Variants in CRISP1 observed in about 807,000 individuals in gnomAD.
CRISP1 encodes the protein cysteine-rich secretory protein 1.
A neutral mutation model predicts 33.1 loss-of-function variants in CRISP1; 44 were observed. The observed-to-expected ratio is 1.33, with a 90% CI of 1.05 to 1.71. CRISP1 has a LOEUF of 1.71. CRISP1 is among the 40% of genes most tolerant of loss of function. The pLI is 0.00. For synonymous variants in CRISP1, 103 were observed against 98.7 expected (o/e 1.04, Z -0.26); for missense variants, 390 against 301.2 (o/e 1.29, Z -2.18).
upstream of CRISP1, among the ~76,000 whole-genome samples, chr6:49,868,718 C>T (rs1771856826): frequency 1.3e-5 from 2 of 152,148 alleles, no homozygotes; most frequent in Non-Finnish European, 2.9e-5. Flanking sequence ...CTCTTACCTA[C>T]AACAATCCCA....
chr6:49,840,627 T>C (rs986724939), intron 6 of CRISP1, among the ~76,000 whole-genome samples: 4 of 152,152 alleles, frequency 2.6e-5, no homozygotes, highest in Admixed American at 6.6e-5. Context: ...TGAAAATATA[T>C]TGGAGTTTTT....
chr6:49,859,061 C>A (rs1771573200), intron 1 of CRISP1, among the ~76,000 whole-genome samples: 1 of 152,080 alleles, frequency 6.6e-6, no homozygotes, highest in Non-Finnish European at 1.5e-5. Context: ...CACTGATGCA[C>A]ATTTTCATCG....
intron 1 of CRISP1, among the ~76,000 whole-genome samples, chr6:49,874,012 A>T (rs1771980426): frequency 6.6e-6 from 1 of 152,050 alleles, no homozygotes; most frequent in South Asian, 2.1e-4. Flanking sequence ...TCTTATTTTT[A>T]AATATAGAAA....
upstream of CRISP1, among the ~76,000 whole-genome samples, chr6:49,868,221 G>A (rs1771843057): frequency 6.6e-6 from 1 of 152,154 alleles, no homozygotes; most frequent in African/African-American, 2.4e-5. Context: ...TTGCATGTGA[G>A]TCCCAAACAT....
At chr6:49,873,837 T>C (rs1771976925) in intron 1 of CRISP1, among the ~76,000 whole-genome samples, 1 of 152,058 alleles carries the variant, frequency 6.6e-6, no homozygotes, top group Non-Finnish European at 1.5e-5. Flanking sequence ...CCAGATTTTA[T>C]TTCTCCAGTT....
intron 1 of CRISP1, among the ~76,000 whole-genome samples, chr6:49,876,415 G>C (rs1039826442): frequency 6.6e-6 from 1 of 151,962 alleles, no homozygotes; most frequent in Non-Finnish European, 1.5e-5. Context: ...CAGAGAAAAA[G>C]GAATGCTTTT....
At chr6:49,872,381 C>A (rs1421173904) in intron 1 of CRISP1, among the ~76,000 whole-genome samples, 4 of 152,024 alleles carry the variant, frequency 2.6e-5, no homozygotes, top group South Asian at 2.1e-4. Context: ...GTTTCTTTTG[C>A]TGTGCAGAAG....
upstream of CRISP1, among the ~76,000 whole-genome samples, chr6:49,868,969 T>C (rs898554631): frequency 3.3e-5 from 5 of 152,206 alleles, no homozygotes; most frequent in African/African-American, 7.2e-5. Flanking sequence ...CCTCTTCTTC[T>C]ACAATTTATA....
chr6:49,872,580 A>T (rs1174438463), intron 1 of CRISP1, among the ~76,000 whole-genome samples: 2 of 152,040 alleles, frequency 1.3e-5, no homozygotes, highest in African/African-American at 4.8e-5. Context: ...TTTTTGTATA[A>T]GGTGTAAGGA....
chr6:49,857,495 ATT>A, intron 1 of CRISP1, 93 bp from the exon 2 acceptor site: 4 of 1,223,274 alleles, frequency 3.3e-6, no homozygotes, highest in Non-Finnish European at 4.7e-6. Flanking sequence ...ATGTGTTTGC[ATT>A]TTTTTTCCTA....
chr6:49,834,920 G>A lies in CRISP1; in HGVS notation c.*396C>T, dbSNP rs1770734027. The stretch of plus-strand genomic sequence containing the variant: ...GTAGAAGTAAAATTTTAAAAGTGAA[G>A]AATTATTACTGGATGTTAGTTGTGC... On this transcript the variant is annotated 3_prime_UTR_variant, in exon 8 of 8. Transcript: ENST00000335847. The A allele has an allele frequency of 6.8e-6, 1 of 147,240 alleles. No individual in the cohort carries two copies. The allele number at this position is 147,240 out of a possible 1,614,324, so 9.1% of individuals were successfully genotyped here.
At chr6:49,862,037 T>C (rs970321170) in intron 1 of CRISP1, among the ~76,000 whole-genome samples, 1 of 152,170 alleles carries the variant, frequency 6.6e-6, no homozygotes, top group Non-Finnish European at 1.5e-5. Context: ...AACATAGTGC[T>C]GGGAAGTTCT....
intron 5 of CRISP1, among the ~76,000 whole-genome samples, chr6:49,842,988 T>C (rs1771043404): frequency 6.6e-6 from 1 of 152,174 alleles, no homozygotes; most frequent in South Asian, 2.1e-4. Context: ...ATAAAACGTG[T>C]TCTATTTTGA....
At chr6:49,865,335 A>G (rs1332102103) in intron 1 of CRISP1, among the ~76,000 whole-genome samples, 2 of 152,200 alleles carry the variant, frequency 1.3e-5, no homozygotes, top group Non-Finnish European at 2.9e-5. Context: ...ACTAAAAACA[A>G]AAATTGTTTT....
intron 2 of CRISP1, among the ~76,000 whole-genome samples, chr6:49,853,474 G>T (rs1771410266): frequency 6.6e-6 from 1 of 151,984 alleles, no homozygotes; most frequent in Non-Finnish European, 1.5e-5. Flanking sequence ...GATGTCTCAG[G>T]CCCTTAAAAT....
rs1003741754 is a variant in CRISP1 at position 49,853,387 on chromosome 6, G to A, written c.67-1258C>T. Among the ~76,000 whole-genome samples, 5 of 152,022 alleles carry A rather than the reference G, an allele frequency of 3.3e-5. No individual in the cohort carries two copies. In the East Asian group the frequency reaches 7.7e-4, roughly 24 times the overall value. On this transcript the variant is annotated intron_variant, in intron 2 of 7. Transcript: ENST00000335847. The stretch of plus-strand genomic sequence containing the variant: ...TCCTGGAAATTGGGTTTCCTGAAAC[G>A]AATTCATCTTTTCCACCCAGATTTC...
At chr6:49,871,467 T>A (rs1414204746), upstream of CRISP1, among the ~76,000 whole-genome samples, 1 of 151,922 alleles carries the variant, frequency 6.6e-6, no homozygotes, top group South Asian at 2.1e-4. Flanking sequence ...CACCATACAT[T>A]TGAAAAATAT....
intron 1 of CRISP1, among the ~76,000 whole-genome samples, chr6:49,865,497 G>T (rs1771778070): frequency 6.6e-6 from 1 of 152,036 alleles, no homozygotes; most frequent in Non-Finnish European, 1.5e-5. Flanking sequence ...AAATTCTCTT[G>T]TCTAATGATT....
chr6:49,839,457 A>T (rs1256087122), intron 6 of CRISP1, among the ~76,000 whole-genome samples: 2 of 152,040 alleles, frequency 1.3e-5, no homozygotes, highest in Admixed American at 1.3e-4. Context: ...TCTCAAAAGG[A>T]AAAACAAAAA....
Sources: allele counts gnomAD v4.1 joint callset (sites outside exome capture counted in the v4.1 genomes callset), GRCh38; gene constraint gnomAD v4.1.1; transcripts MANE v1.5; gene names NCBI Gene and HGNC (gene_info 2026-07-23, HGNC 2026-07-21).